Variants in KLHL20 observed in about 807,000 individuals in gnomAD.
KLHL20 encodes kelch like family member 20, also known as kelch-like protein 20.
In KLHL20, 29 loss-of-function variants were observed where a neutral mutation model predicts 69.5. That is an observed-to-expected ratio of 0.42 (90% CI 0.31 to 0.57). KLHL20 has a LOEUF of 0.57. Ranked by LOEUF, KLHL20 falls within the 20% of genes least tolerant of loss-of-function variation. The pLI, the probability that KLHL20 is intolerant of heterozygous loss-of-function variation, is 0.18. For missense variants in KLHL20, 419 were observed against 776.0 expected (o/e 0.54, Z 5.47); for synonymous variants, 253 against 265.2 (o/e 0.95, Z 0.45).
At position 173,751,928 on chromosome 1, in the gene KLHL20, G is replaced by A; in HGVS notation, c.756+6G>A. On this transcript the variant is annotated splice_donor_region_variant and intron_variant, in intron 4 of 11. Transcript: ENST00000209884. ...GACGTCCTCAATTACCCCAGGTAATGATAGAAATTCTTCTCTAAGAAACTG... is the reference window on the plus strand; with the variant it reads ...GACGTCCTCAATTACCCCAGGTAATAATAGAAATTCTTCTCTAAGAAACTG... 1 of 1,612,170 alleles carries A rather than the reference G, an allele frequency of 6.2e-7. No homozygotes were observed. Among genetic ancestry groups the A allele is most frequent in the Non-Finnish European group, 8.5e-7 (1 of 1,178,878 alleles).
At chr1:173,727,810 ATAC>A in intron 2 of KLHL20, among the ~76,000 whole-genome samples, 1 of 152,216 alleles carries the variant, frequency 6.6e-6, no homozygotes, top group East Asian at 1.9e-4. Context: ...CAAATTGTAA[ATAC>A]CATCAAGGCT....
At chr1:173,737,514 C>T (rs1672592416) in intron 3 of KLHL20, among the ~76,000 whole-genome samples, 1 of 152,174 alleles carries the variant, frequency 6.6e-6, no homozygotes, top group Non-Finnish European at 1.5e-5. Context: ...TTTGCTTTGT[C>T]AAAGATCAGT....
At chr1:173,768,047 C>T (rs1353961630) in intron 8 of KLHL20, among the ~76,000 whole-genome samples, 2 of 152,104 alleles carry the variant, frequency 1.3e-5, no homozygotes. Flanking sequence ...GAAATCTGTT[C>T]TGATTTTTTT....
intron 7 of KLHL20, among the ~76,000 whole-genome samples, chr1:173,757,664 CAAA>C (rs906943946): frequency 5.1e-5 from 3 of 59,036 alleles, no homozygotes; most frequent in Admixed American, 1.9e-4. Context: ...GACTCCTTCT[CAAA>C]AAAAAAAAAA....
At chr1:173,758,268 CAA>C (rs941743452) in intron 7 of KLHL20, among the ~76,000 whole-genome samples, 3 of 136,172 alleles carry the variant, frequency 2.2e-5, no homozygotes, top group Non-Finnish European at 1.6e-5. Context: ...AAGACTCTCT[CAA>C]AAAAAAAAAG....
rs1420443902 is a variant in KLHL20 at position 173,766,337 on chromosome 1, T to A, written c.1295+48T>A. 2.0e-6 allele frequency: 3 copies of A among 1,492,696 alleles called. 1 individual carries two copies. The highest frequency in any genetic ancestry group is 2.7e-6 in the Non-Finnish European group (3 of 1,117,360). 92.5% of individuals were successfully genotyped at this position (1,492,696 alleles called of 1,614,324 possible). ...TTCCGTATTTTTATTTTAAAGAACA[T>A]AGAGCTCTTTAAAAGAAAAACTACA... On this transcript the variant is annotated intron_variant, in intron 8 of 11. Coordinates refer to ENST00000209884, the MANE Select transcript of KLHL20 (RefSeq NM_014458.4).
chr1:173,782,020 C>T, intron 10 of KLHL20, 104 bp from the exon 11 acceptor site: 3 of 749,402 alleles, frequency 4.0e-6, no homozygotes, highest in South Asian at 3.6e-5. Context: ...AATGTAAGGC[C>T]ATAAAGAATT....
intron 3 of KLHL20, among the ~76,000 whole-genome samples, chr1:173,744,128 A>G (rs2102488164): frequency 6.6e-6 from 1 of 152,214 alleles, no homozygotes; most frequent in Non-Finnish European, 1.5e-5. Flanking sequence ...ATGAGGATAA[A>G]TGTTTGTCCA....
At chr1:173,772,797 A>G (rs570443671) in intron 8 of KLHL20, among the ~76,000 whole-genome samples, 7 of 152,294 alleles carry the variant, frequency 4.6e-5, no homozygotes, top group South Asian at 4.1e-4. Context: ...TCTGGATCCA[A>G]CTACCAATTT....
At chr1:173,728,013 G>A (rs573593337) in intron 2 of KLHL20, among the ~76,000 whole-genome samples, 12 of 152,102 alleles carry the variant, frequency 7.9e-5, no homozygotes, top group African/African-American at 1.2e-4. Flanking sequence ...CCCATCTCAC[G>A]TGCAGAGACA....
intron 3 of KLHL20, among the ~76,000 whole-genome samples, chr1:173,747,230 C>A (rs920931894): frequency 2.6e-5 from 4 of 151,910 alleles, no homozygotes; most frequent in African/African-American, 9.7e-5. Context: ...GATTATGTCG[C>A]TTGGCTCTTC....
chr1:173,732,149 A>G (rs1455459514), intron 2 of KLHL20, among the ~76,000 whole-genome samples: 1 of 151,336 alleles, frequency 6.6e-6, no homozygotes, highest in Admixed American at 6.6e-5. Context: ...GTGAGCCGAG[A>G]TTGCGCCACT....
At chr1:173,756,460 G>A (rs1673550361) in intron 6 of KLHL20, among the ~76,000 whole-genome samples, 1 of 152,188 alleles carries the variant, frequency 6.6e-6, no homozygotes, top group African/African-American at 2.4e-5. Flanking sequence ...GAGCCTAGGA[G>A]GTCAAGGCTG....
intron 4 of KLHL20, among the ~76,000 whole-genome samples, chr1:173,752,922 A>C (rs902426848): frequency 1.3e-5 from 2 of 152,156 alleles, no homozygotes; most frequent in African/African-American, 2.4e-5. Context: ...TAATCCCAGC[A>C]CTTGGGAGGA....
At chr1:173,728,531 A>G (rs1247979736) in intron 2 of KLHL20, among the ~76,000 whole-genome samples, 6 of 152,242 alleles carry the variant, frequency 3.9e-5, no homozygotes, top group African/African-American at 4.8e-5. Flanking sequence ...AACAGAAATT[A>G]TAACAAACTG....
At chr1:173,731,166 G>A (rs1672257670) in intron 2 of KLHL20, among the ~76,000 whole-genome samples, 1 of 152,192 alleles carries the variant, frequency 6.6e-6, no homozygotes, top group South Asian at 2.1e-4. Flanking sequence ...ACCACAGTGA[G>A]ATATCATCTC....
intron 8 of KLHL20, among the ~76,000 whole-genome samples, chr1:173,770,942 AC>A (rs1648054564): frequency 6.6e-6 from 1 of 152,182 alleles, no homozygotes; most frequent in South Asian, 2.1e-4. Flanking sequence ...TAATAACATG[AC>A]TGTACCTTGA....
chr1:173,734,569 C>G (rs1425309242), intron 3 of KLHL20: 1 of 370,408 alleles, frequency 2.7e-6, no homozygotes, highest in Non-Finnish European at 5.0e-6. Context: ...TAGAGTAATT[C>G]ACAAGAGGAT....
intron 8 of KLHL20, among the ~76,000 whole-genome samples, chr1:173,766,705 A>T (rs1647741203): frequency 6.6e-6 from 1 of 151,836 alleles, no homozygotes; most frequent in African/African-American, 2.4e-5. Context: ...AGGATCCACT[A>T]TTCAGTGGAT....
Sources: gnomAD v4.1 joint callset for allele counts (sites outside exome capture counted in the v4.1 genomes callset) on GRCh38, gnomAD v4.1.1 for gene constraint, MANE v1.5 for transcripts, NCBI Gene and HGNC (gene_info 2026-07-23, HGNC 2026-07-21) for gene names.